PNPLA7: variants seen among roughly 807,000 people sequenced by gnomAD.
PNPLA7 encodes patatin like domain 7, lysophospholipase, also known as patatin-like phospholipase domain-containing protein 7.
PNPLA7 carries 153 observed loss-of-function variants against 161.7 expected under a neutral mutation model. That is an observed-to-expected ratio of 0.95 (90% confidence interval 0.83 to 1.08). The LOEUF is 1.08. PNPLA7 is among the 50% of genes least tolerant of loss of function. The probability of loss-of-function intolerance (pLI) is 0.00; values close to 1 mark genes in which losing one functional copy is unlikely to be tolerated. For missense variants in PNPLA7, 1,739 were observed against 1,856.6 expected (o/e 0.94, Z 1.16); for synonymous variants, 809 against 782.1 (o/e 1.03, Z -0.57).
intron 1 of PNPLA7, among the ~76,000 whole-genome samples, chr9:137,548,291 T>C (rs868828832): frequency 2.6e-5 from 4 of 152,134 alleles, no homozygotes; most frequent in Middle Eastern, 3.4e-3. Flanking sequence ...CAGGCAGCCC[T>C]CTCCATTCCT....
chr9:137,480,211 C>G, intron 23 of PNPLA7, 101 bp downstream of exon 23: 3 of 1,447,926 alleles, frequency 2.1e-6, no homozygotes, highest in Admixed American at 2.2e-5. Context: ...TATCATCTGT[C>G]TTTTTCTGAG....
At position 137,506,079 on chromosome 9, in the gene PNPLA7, G is replaced by C. The variant is rs1424316763; in HGVS notation, c.1230C>G (p.Gly410=). The C allele has an allele frequency of 9.9e-6, 16 of 1,611,242 alleles. No homozygotes were observed. The highest frequency in any genetic ancestry group is 1.4e-5 in the Non-Finnish European group (16 of 1,178,974). ...GDPDPSAPQG[G]PGSATSDLGM... is the part of the protein sequence containing the mutation. ...CCAGATCAGAAGTGGCACTGCCTGG[G>C]CCCCCTACACACAGAGGGGACACTC... Residue 410 remains glycine, a synonymous_variant, in exon 13 of 35, where the codon GGC becomes GGG. Transcript: ENST00000406427.
rs1267733093 is a variant in PNPLA7, at chr9:137,498,202, T to G, written c.1801A>C (p.Thr601Pro). ...AAGGACGACATCCTCTTCACCACAGTGTGCGCCACACCCAGGACGACGGTC... is the reference window on the plus strand; with the variant it reads ...AAGGACGACATCCTCTTCACCACAGGGTGCGCCACACCCAGGACGACGGTC... Reference protein sequence around the residue: ...QPTVVLGVAHTVVKRMSSFVR... With the variant: ...QPTVVLGVAHPVVKRMSSFVR... Residue 601 changes from threonine to proline, a missense_variant, in exon 17 of 35, where the codon ACT (threonine) becomes CCT (proline). Physicochemically the swap from Thr to Pro is conservative, Grantham distance 38 (BLOSUM62 -1). Transcript: ENST00000406427. 13 of 1,612,724 alleles carry G rather than the reference T, an allele frequency of 8.1e-6. No homozygotes were observed. Among genetic ancestry groups the G allele is most frequent in the Non-Finnish European group, 1.1e-5 (13 of 1,179,980 alleles).
Position 137,527,050 on chromosome 9 carries a change from C to T in PNPLA7, c.748-4193G>A, listed in dbSNP as rs142466628. Among the ~76,000 whole-genome samples the T allele has an allele frequency of 8.4e-3, 1,279 of 152,068 alleles. 20 individuals carry two copies. The highest frequency in any genetic ancestry group is 0.029 in the African/African-American group (1,187 of 41,470). ...TTGGGAGGCCGAGGCAGGTAGATCA[C>T]GAGGTCAGGAATTCAAGACCAGCCT... On this transcript the variant is annotated intron_variant, in intron 8 of 34. Coordinates refer to ENST00000406427, the MANE Select transcript of PNPLA7 (RefSeq NM_001098537.3).
intron 9 of PNPLA7, among the ~76,000 whole-genome samples, chr9:137,522,359 C>G (rs1439441586): frequency 6.8e-6 from 1 of 147,608 alleles, no homozygotes; most frequent in Non-Finnish European, 1.5e-5. Context: ...CAGGCGGGAG[C>G]CGCCGCGCCC....
rs755804708 is a variant in PNPLA7 at position 137,493,087 on chromosome 9, G to A, written c.2128-5C>T. ...ATGAATCAGCCGAGTCACCACCTGCGGGCAGACACAGGAGCCAAGAGCCAC... is the reference window on the plus strand; with the variant it reads ...ATGAATCAGCCGAGTCACCACCTGCAGGCAGACACAGGAGCCAAGAGCCAC... On this transcript the variant is annotated splice_polypyrimidine_tract_variant and splice_region_variant and intron_variant, in intron 19 of 34. Transcript: ENST00000406427. 9.9e-6 allele frequency: 16 copies of A among 1,613,698 alleles called. No individual in the cohort carries two copies. The African/African-American group carries it at 1.3e-4, about 13-fold the overall frequency.
chr9:137,518,028 G>GCTCACTCCATCCCCCACTCACTCACTCC (rs1834719208), intron 11 of PNPLA7, among the ~76,000 whole-genome samples: 1 of 18,780 alleles, frequency 5.3e-5, no homozygotes, highest in African/African-American at 3.0e-4. Flanking sequence ...TCACTCACTC[G>GCTCACTCCATCCCCCACTCACTCACTCC]ACTCTGTCCA....
At chr9:137,549,251 G>C (rs1272544245) in intron 1 of PNPLA7, among the ~76,000 whole-genome samples, 1 of 152,208 alleles carries the variant, frequency 6.6e-6, no homozygotes, top group Non-Finnish European at 1.5e-5. Context: ...GGGAGGCCGA[G>C]GCGGGCAGAT....
rs747885201 is a variant in PNPLA7 at position 137,472,363 on chromosome 9, A to T, written c.2883-4890T>A. On this transcript the variant is annotated intron_variant, in intron 25 of 34. Coordinates refer to ENST00000406427, the MANE Select transcript of PNPLA7 (RefSeq NM_001098537.3). ...CACTTGAGCCACTGTACCCAGCCTAAACCTCATTTTCTTTATAAATTACAA... is the reference window on the plus strand; with the variant it reads ...CACTTGAGCCACTGTACCCAGCCTATACCTCATTTTCTTTATAAATTACAA... 1.6e-4 allele frequency among the ~76,000 whole-genome samples: 25 copies of T among 151,908 alleles called. 1 individual carries two copies. Among genetic ancestry groups the T allele is most frequent in the Non-Finnish European group, 3.2e-4 (22 of 67,922 alleles).
At position 137,546,883 on chromosome 9, in the gene PNPLA7, G is replaced by C. The variant is rs377634517; in HGVS notation, c.220C>G (p.Arg74Gly). Residue 74 changes from arginine (R) to glycine (G), a missense_variant, in exon 4 of 35, where the codon CGG (arginine) becomes GGG (glycine). Physicochemically the swap from Arg to Gly is moderately radical, Grantham distance 125. Around this residue, in one of 6 missense-constraint regions of PNPLA7, gnomAD observed 209 missense variants for 252.8 expected, o/e 0.83. Coordinates refer to ENST00000406427, the MANE Select transcript of PNPLA7 (RefSeq NM_001098537.3). ...FRQAQPTPQY[R>G]FRKRDKVMFY... ...ATCACTTTGTCTCTCTTCCGGAACC[G>C]GTACTGAGGAGTGGGCTGTGCTTGT... 1.2e-6 allele frequency: 2 copies of C among 1,613,808 alleles called. No individual in the cohort carries two copies. Among genetic ancestry groups the C allele is most frequent in the Non-Finnish European group, 1.7e-6 (2 of 1,180,006 alleles).
chr9:137,461,890 C>CGGTCCGGGGAGCTGGGCGT (rs777832562), intron 32 of PNPLA7, 41 bp downstream of exon 32: 4 of 1,456,150 alleles, frequency 2.7e-6, no homozygotes, highest in Non-Finnish European at 3.7e-6. Flanking sequence ...GAACTGGGCG[C>CGGTCCGGGGAGCTGGGCGT]GGTCCGGGGA....
intron 8 of PNPLA7, among the ~76,000 whole-genome samples, chr9:137,538,949 G>A (rs960665863): frequency 8.5e-5 from 13 of 152,182 alleles, no homozygotes; most frequent in Admixed American, 8.5e-4. Flanking sequence ...GTACTCAGGA[G>A]GCTGAGGCAG....
At chr9:137,462,651 C>G in intron 30 of PNPLA7, 34 bp downstream of exon 30, 1 of 1,608,460 alleles carries the variant, frequency 6.2e-7, no homozygotes, top group South Asian at 1.1e-5. Flanking sequence ...GGAGGAGCAG[C>G]AGGGACAGCC....
rs558431741 is a variant in PNPLA7, at chr9:137,468,899, T to TA, written c.2883-1427dup. 6.6e-5 allele frequency among the ~76,000 whole-genome samples: 10 copies of TA among 151,870 alleles called. No individual in the cohort carries two copies. The highest frequency in any genetic ancestry group is 1.9e-4 in the East Asian group (1 of 5,184). On this transcript the variant is annotated intron_variant, in intron 25 of 34. Transcript: ENST00000406427. The surrounding 1 kb of genome is among the most constrained non-coding windows in gnomAD (Gnocchi z 4.0). The stretch of plus-strand genomic sequence containing the variant: ...TTATGTTATGTATATTTTAACATAA[T>TA]AAAAAAAACCATATGTAATACTGCC...
chr9:137,522,173 C>G (rs900161302), intron 9 of PNPLA7, among the ~76,000 whole-genome samples: 1 of 152,220 alleles, frequency 6.6e-6, no homozygotes, highest in East Asian at 1.9e-4. Context: ...CTCCCGGGTT[C>G]ATGCCGTTCT....
chr9:137,462,518 C>T lies in PNPLA7; in HGVS notation c.3492+167G>A. Reference sequence around the variant, plus strand: ...CACAGCCTTCAGGCCCGTCCGGCCTCGTGCCTTCCTTCGCCCGAGTTGGGC... The same window carrying T: ...CACAGCCTTCAGGCCCGTCCGGCCTTGTGCCTTCCTTCGCCCGAGTTGGGC... On this transcript the variant is annotated intron_variant, in intron 30 of 34. Transcript: ENST00000406427. 15 of 1,386,542 alleles carry T rather than the reference C, an allele frequency of 1.1e-5. No homozygotes were observed. In the South Asian group the frequency reaches 2.2e-4, roughly 20 times the overall value. 85.9% of individuals were successfully genotyped at this position (1,386,542 alleles called of 1,614,324 possible).
chr9:137,505,175 G>C (rs1003836282), intron 14 of PNPLA7, among the ~76,000 whole-genome samples: 2 of 104,488 alleles, frequency 1.9e-5, no homozygotes, highest in African/African-American at 3.9e-5. Flanking sequence ...GCGATACTGC[G>C]AGACTCTGTC....
At position 137,502,730 on chromosome 9, in the gene PNPLA7, G is replaced by A. The variant is rs34159159; in HGVS notation, c.1474-1003C>T. On this transcript the variant is annotated intron_variant, in intron 14 of 34. Coordinates refer to ENST00000406427, the MANE Select transcript of PNPLA7 (RefSeq NM_001098537.3). ...GGGGACGCGGGGGACGCGGGGGACG[G>A]GGGGGACGAGAGGGATGTGGGAGCC... 3.6e-3 allele frequency among the ~76,000 whole-genome samples: 147 copies of A among 40,948 alleles called. 3 individuals carry two copies. The highest frequency in any genetic ancestry group is 0.017 in the African/African-American group (124 of 7,128). The allele number at this position is 40,948 out of a possible 152,430, so 26.9% of individuals were successfully genotyped here. A position where few individuals can be genotyped will look rare whatever the true frequency, so the allele number is the denominator to read the frequency against.
chr9:137,501,363 C>G (rs982459962), intron 15 of PNPLA7, among the ~76,000 whole-genome samples: 1 of 152,244 alleles, frequency 6.6e-6, no homozygotes, highest in African/African-American at 2.4e-5. Flanking sequence ...TTCCACTGAT[C>G]TGTATCCACT....
Sources: allele counts gnomAD v4.1 joint callset (sites outside exome capture counted in the v4.1 genomes callset), GRCh38; gene constraint gnomAD v4.1.1; regional missense constraint gnomAD v4.1.1; non-coding constraint Gnocchi (gnomAD v3.1); transcripts MANE v1.5; gene names NCBI Gene and HGNC (gene_info 2026-07-23, HGNC 2026-07-21).